Variants in FJX1 observed in about 807,000 individuals in gnomAD.
FJX1 encodes the protein four-jointed box kinase 1, also known as four-jointed box protein 1.
Under a neutral mutation model 28.7 loss-of-function variants are expected in FJX1, and 21 were observed. The ratio of observed to expected loss-of-function variants is 0.73; its 90% CI spans 0.52 to 1.05. FJX1 has a LOEUF of 1.05. Among genes scored for constraint, FJX1 ranks in the 50% least tolerant of loss-of-function variants. The pLI is 0.00. For missense variants in FJX1, 683 were observed against 647.2 expected (o/e 1.06, Z -0.60); for synonymous variants, 363 against 310.0 (o/e 1.17, Z -1.80).
chr11:35,618,872 C>G lies in FJX1; in HGVS notation c.236C>G (p.Thr79Ser). The G allele has an allele frequency of 7.3e-7, 1 of 1,368,652 alleles. No individual in the cohort carries two copies. The highest frequency in any genetic ancestry group is 9.4e-7 in the Non-Finnish European group (1 of 1,064,964). 84.8% of individuals were successfully genotyped at this position (1,368,652 alleles called of 1,614,324 possible). The change falls in exon 1 of 1, where the codon ACT becomes AGT. Residue 79 changes from threonine (T) to serine (S), a missense_variant. By Grantham distance (58) the Thr-to-Ser change is moderately conservative (BLOSUM62 1). Transcript: ENST00000317811. This position sits in a 1 kb window ranked among gnomAD's most constrained non-coding sequence, Gnocchi z 4.2. Reference protein sequence around the residue: ...AWDARGGSLKTFRALLTLAAG... With the variant: ...AWDARGGSLKSFRALLTLAAG... ...GACGCCCGCGGCGGCTCCCTGAAAACTTTCCGGGCGCTGCTCACCCTGGCG... is the reference window on the plus strand; with the variant it reads ...GACGCCCGCGGCGGCTCCCTGAAAAGTTTCCGGGCGCTGCTCACCCTGGCG...
chr11:35,619,685 C>T lies in FJX1; in HGVS notation c.1049C>T (p.Ala350Val). The change falls in exon 1 of 1, where the codon GCA becomes GTA. Residue 350 changes from alanine (A) to valine (V), a missense_variant. Coordinates refer to ENST00000317811, the MANE Select transcript of FJX1 (RefSeq NM_014344.4). The surrounding 1 kb of genome is among the most constrained non-coding windows in gnomAD (Gnocchi z 7.6). ...EAGLVHGYRV[A>V]GMWDKYNEPL... is the part of the protein sequence containing the mutation. Reference sequence around the variant, plus strand: ...GGCTTGGTGCACGGCTACCGGGTAGCAGGCATGTGGGACAAGTATAACGAG... The same window carrying T: ...GGCTTGGTGCACGGCTACCGGGTAGTAGGCATGTGGGACAAGTATAACGAG... 1.2e-6 allele frequency: 2 copies of T among 1,606,982 alleles called. No homozygotes were observed. Among genetic ancestry groups the T allele is most frequent in the Non-Finnish European group, 8.5e-7 (1 of 1,178,086 alleles).
rs1238949994 is a variant in FJX1, at chr11:35,618,782, G to T, written c.146G>T (p.Arg49Leu). The change falls in exon 1 of 1, where the codon CGC becomes CTC. Residue 49 changes from arginine to leucine, a missense_variant. By Grantham distance (102) the Arg-to-Leu change is moderately radical. Transcript: ENST00000317811. This position sits in a 1 kb window ranked among gnomAD's most constrained non-coding sequence, Gnocchi z 4.2. ...SRPPEDRLPR[R>L]PARSGGPAPA... Reference sequence around the variant, plus strand: ...CCGCCCGAAGACCGACTCCCACGGCGCCCGGCCCGGAGCGGCGGCCCCGCG... The same window carrying T: ...CCGCCCGAAGACCGACTCCCACGGCTCCCGGCCCGGAGCGGCGGCCCCGCG... 2 of 1,251,472 alleles carry T rather than the reference G, an allele frequency of 1.6e-6. No homozygotes were observed. The highest frequency in any genetic ancestry group is 2.0e-6 in the Non-Finnish European group (2 of 995,996). The allele number at this position is 1,251,472 out of a possible 1,614,324, so 77.5% of individuals were successfully genotyped here. A position where few individuals can be genotyped will look rare whatever the true frequency, so the allele number is the denominator to read the frequency against.
Position 35,619,321 on chromosome 11 carries a change from C to G in FJX1, c.685C>G (p.Leu229Val). 1 of 1,561,108 alleles carries G rather than the reference C, an allele frequency of 6.4e-7. No individual in the cohort carries two copies. Among genetic ancestry groups the G allele is most frequent in the Non-Finnish European group, 8.6e-7 (1 of 1,161,790 alleles). Residue 229 changes from leucine to valine, a missense_variant, in exon 1 of 1, where the codon CTG becomes GTG. Coordinates refer to ENST00000317811, the MANE Select transcript of FJX1 (RefSeq NM_014344.4). This position sits in a 1 kb window ranked among gnomAD's most constrained non-coding sequence, Gnocchi z 7.6. ...GAQWAQVQEE[L>V]RAAHWTEGSV... The stretch of plus-strand genomic sequence containing the variant: ...GCAGTGGGCGCAGGTGCAGGAGGAG[C>G]TGCGCGCTGCGCACTGGACCGAGGG...
In FJX1 at chr11:35,618,831, C is replaced by A; in HGVS notation, c.195C>A (p.Pro65=). The A allele has an allele frequency of 7.6e-7, 1 of 1,323,252 alleles. No individual in the cohort carries two copies. Among genetic ancestry groups the A allele is most frequent in the South Asian group, 2.0e-5 (1 of 49,038 alleles). 82.0% of individuals were successfully genotyped at this position (1,323,252 alleles called of 1,614,324 possible). A position where few individuals can be genotyped will look rare whatever the true frequency, so the allele number is the denominator to read the frequency against. Residue 65 remains proline (P), a synonymous_variant, in exon 1 of 1, where the codon CCC becomes CCA. Transcript: ENST00000317811. The surrounding 1 kb of genome is among the most constrained non-coding windows in gnomAD (Gnocchi z 4.2). ...CGCCCGCGCCTCGCTTCCCTCTGCC[C>A]CCGCCCCTGGCGTGGGACGCCCGCG... The part of the protein sequence containing the change: ...GPAPAPRFPL[P]PPLAWDARGG...
chr11:35,618,850 G>T lies in FJX1; in HGVS notation c.214G>T (p.Ala72Ser). 27 of 1,346,360 alleles carry T rather than the reference G, an allele frequency of 2.0e-5. No homozygotes were observed. Among genetic ancestry groups the T allele is most frequent in the Non-Finnish European group, 2.6e-5 (27 of 1,053,728 alleles). 83.4% of individuals were successfully genotyped at this position (1,346,360 alleles called of 1,614,324 possible). A position where few individuals can be genotyped will look rare whatever the true frequency, so the allele number is the denominator to read the frequency against. Residue 72 changes from alanine to serine, a missense_variant, in exon 1 of 1, where the codon GCC becomes TCC. Coordinates refer to ENST00000317811, the MANE Select transcript of FJX1 (RefSeq NM_014344.4). This position sits in a 1 kb window ranked among gnomAD's most constrained non-coding sequence, Gnocchi z 4.2. Reference sequence around the variant, plus strand: ...TCTGCCCCCGCCCCTGGCGTGGGACGCCCGCGGCGGCTCCCTGAAAACTTT... The same window carrying T: ...TCTGCCCCCGCCCCTGGCGTGGGACTCCCGCGGCGGCTCCCTGAAAACTTT... ...FPLPPPLAWDARGGSLKTFRA... is the reference protein window; with the variant it reads ...FPLPPPLAWDSRGGSLKTFRA...
chr11:35,619,720 C>G lies in FJX1; in HGVS notation c.1084C>G (p.Gln362Glu), dbSNP rs1276721699. 6.9e-6 allele frequency: 11 copies of G among 1,588,160 alleles called. No homozygotes were observed. The Admixed American group carries it at 1.4e-4, about 21-fold the overall frequency. ...MWDKYNEPLLQSVCVFRERTA... is the reference protein window; with the variant it reads ...MWDKYNEPLLESVCVFRERTA... ...GGACAAGTATAACGAGCCGCTGTTG[C>G]AGTCAGTGTGCGTGTTCCGCGAGCG... Residue 362 changes from glutamine (Q) to glutamate (E), a missense_variant, in exon 1 of 1, where the codon CAG (glutamine) becomes GAG (glutamate). Physicochemically the swap from Gln to Glu is conservative, Grantham distance 29 (BLOSUM62 2). Transcript: ENST00000317811. This position sits in a 1 kb window ranked among gnomAD's most constrained non-coding sequence, Gnocchi z 7.6.
At position 35,619,533 on chromosome 11, in the gene FJX1, G is replaced by A. The variant is rs774137238; in HGVS notation, c.897G>A (p.Thr299=). 1.1e-5 allele frequency: 17 copies of A among 1,600,644 alleles called. No homozygotes were observed. The South Asian group carries it at 1.5e-4, about 14-fold the overall frequency. The change falls in exon 1 of 1, where the codon ACG becomes ACA. Residue 299 remains threonine (T), a synonymous_variant. Coordinates refer to ENST00000317811, the MANE Select transcript of FJX1 (RefSeq NM_014344.4). The surrounding 1 kb of genome is among the most constrained non-coding windows in gnomAD (Gnocchi z 7.6). The part of the protein sequence containing the change: ...WTDLILFDYL[T]ANFDRLVSNL... Reference sequence around the variant, plus strand: ...ACTTAATCCTTTTCGACTACCTGACGGCCAACTTCGACCGGCTCGTAAGCA... The same window carrying A: ...ACTTAATCCTTTTCGACTACCTGACAGCCAACTTCGACCGGCTCGTAAGCA...
In FJX1 at chr11:35,620,699, GA is replaced by G. The variant is rs3834431; in HGVS notation, c.*760del. 0.031 allele frequency: 5,114 copies of G among 162,656 alleles called. 174 individuals carry two copies. The highest frequency in any genetic ancestry group is 0.17 in the East Asian group (847 of 5,052). The allele number at this position is 162,656 out of a possible 1,614,324, so 10.1% of individuals were successfully genotyped here. A position where few individuals can be genotyped will look rare whatever the true frequency, so the allele number is the denominator to read the frequency against. On this transcript the variant is annotated 3_prime_UTR_variant, in exon 1 of 1. Transcript: ENST00000317811. ...TGACAACGATGATGTTCACCAGAAGGAAAAAAAAAAATCAGTTTTATGCACT... is the reference window on the plus strand; with the variant it reads ...TGACAACGATGATGTTCACCAGAAGGAAAAAAAAAATCAGTTTTATGCACT...
At position 35,619,572 on chromosome 11, in the gene FJX1, G is replaced by A. The variant is rs1304026192; in HGVS notation, c.936G>A (p.Leu312=). 2 of 1,604,634 alleles carry A rather than the reference G, an allele frequency of 1.2e-6. No individual in the cohort carries two copies. Among genetic ancestry groups the A allele is most frequent in the Admixed American group, 1.7e-5 (1 of 60,030 alleles). The part of the protein sequence containing the change: ...FDRLVSNLFS[L]QWDPRVMQRA... Reference sequence around the variant, plus strand: ...GGCTCGTAAGCAACCTCTTCAGCCTGCAGTGGGACCCGCGCGTCATGCAGC... The same window carrying A: ...GGCTCGTAAGCAACCTCTTCAGCCTACAGTGGGACCCGCGCGTCATGCAGC... Residue 312 remains leucine, a synonymous_variant, in exon 1 of 1, where the codon CTG becomes CTA. Transcript: ENST00000317811. This position sits in a 1 kb window ranked among gnomAD's most constrained non-coding sequence, Gnocchi z 7.6.
In FJX1 at chr11:35,619,038, G is replaced by A. The variant is rs1850860899; in HGVS notation, c.402G>A (p.Pro134=). The A allele has an allele frequency of 6.8e-7, 1 of 1,466,860 alleles. No individual in the cohort carries two copies. The allele number at this position is 1,466,860 out of a possible 1,614,324, so 90.9% of individuals were successfully genotyped here. The part of the protein sequence containing the change: ...WSRGLEEQVP[P]GFSEAQAAAW... ...GCGGCCTGGAGGAGCAGGTGCCCCC[G>A]GGCTTTTCGGAGGCCCAGGCGGCGG... Residue 134 remains proline, a synonymous_variant, in exon 1 of 1, where the codon CCG becomes CCA. Transcript: ENST00000317811. The surrounding 1 kb of genome is among the most constrained non-coding windows in gnomAD (Gnocchi z 7.6).
rs753582277 is a variant in FJX1, at chr11:35,618,899, C to A, written c.263C>A (p.Ala88Asp). ...TTCCGGGCGCTGCTCACCCTGGCGG[C>A]CGGCGCGGACGGCCCGCCCCGGCAG... ...KTFRALLTLA[A>D]GADGPPRQSR... is the part of the protein sequence containing the mutation. The change falls in exon 1 of 1, where the codon GCC becomes GAC. Residue 88 changes from alanine (A) to aspartate (D), a missense_variant. Coordinates refer to ENST00000317811, the MANE Select transcript of FJX1 (RefSeq NM_014344.4). The surrounding 1 kb of genome is among the most constrained non-coding windows in gnomAD (Gnocchi z 4.2). 3 of 1,394,110 alleles carry A rather than the reference C, an allele frequency of 2.2e-6. 1 individual carries two copies. The South Asian group carries it at 4.7e-5, about 22-fold the overall frequency. 86.4% of individuals were successfully genotyped at this position (1,394,110 alleles called of 1,614,324 possible). A position where few individuals can be genotyped will look rare whatever the true frequency, so the allele number is the denominator to read the frequency against.
chr11:35,618,653 G>T lies in FJX1; in HGVS notation c.17G>T (p.Arg6Leu). The T allele has an allele frequency of 8.2e-7, 1 of 1,213,916 alleles. No homozygotes were observed. The highest frequency in any genetic ancestry group is 1.6e-5 in the African/African-American group (1 of 62,070). 75.2% of individuals were successfully genotyped at this position (1,213,916 alleles called of 1,614,324 possible). The part of the protein sequence containing the change: MGRRM[R>L]GAAATAGLWL... ...CGCGGGAGCATGGGCAGGAGGATGC[G>T]GGGCGCCGCCGCCACCGCGGGGCTC... Residue 6 changes from arginine to leucine, a missense_variant, in exon 1 of 1, where the codon CGG (arginine) becomes CTG (leucine). By Grantham distance (102) the Arg-to-Leu change is moderately radical. Coordinates refer to ENST00000317811, the MANE Select transcript of FJX1 (RefSeq NM_014344.4). The surrounding 1 kb of genome is among the most constrained non-coding windows in gnomAD (Gnocchi z 4.2).
chr11:35,618,717 AG>A lies in FJX1; in HGVS notation c.84del (p.Leu29SerfsTer49). 8.0e-7 allele frequency: 1 copy of A among 1,250,812 alleles called. No individual in the cohort carries two copies. The highest frequency in any genetic ancestry group is 1.0e-6 in the Non-Finnish European group (1 of 984,456). The allele number at this position is 1,250,812 out of a possible 1,614,324, so 77.5% of individuals were successfully genotyped here. On this transcript the variant is annotated frameshift_variant, in exon 1 of 1. Transcript: ENST00000317811. LOFTEE classifies it high-confidence loss of function. The surrounding 1 kb of genome is among the most constrained non-coding windows in gnomAD (Gnocchi z 4.2). ...TGGGCTCGCTGCTGGCGCTGTGGGG[AG>A]GGCTCCTGCCGCCGCGGACCGAGCT... ...ALGSLLALWG[G>X]LLPPRTELPA... is the part of the protein sequence containing the mutation.
chr11:35,618,499 AGCGCCCCGCG>A lies in FJX1; in HGVS notation c.-135_-126del. On this transcript the variant is annotated 5_prime_UTR_variant, in exon 1 of 1. Transcript: ENST00000317811. This position sits in a 1 kb window ranked among gnomAD's most constrained non-coding sequence, Gnocchi z 4.2. ...GGCGGAGCGCCGGACAGAGCCCCGC[AGCGCCCCGCG>A]GCCGCGATGGGGCCGAAGCGCCCGA... 2.5e-6 allele frequency: 2 copies of A among 807,784 alleles called. No homozygotes were observed. Among genetic ancestry groups the A allele is most frequent in the Non-Finnish European group, 3.1e-6 (2 of 652,332 alleles). 50.0% of individuals were successfully genotyped at this position (807,784 alleles called of 1,614,324 possible).
rs1850864115 is a variant in FJX1 at position 35,619,153 on chromosome 11, G to A, written c.517G>A (p.Asp173Asn). Residue 173 changes from aspartate to asparagine, a missense_variant, in exon 1 of 1, where the codon GAC (aspartate) becomes AAC (asparagine). Physicochemically the swap from Asp to Asn is conservative, Grantham distance 23. Coordinates refer to ENST00000317811, the MANE Select transcript of FJX1 (RefSeq NM_014344.4). The surrounding 1 kb of genome is among the most constrained non-coding windows in gnomAD (Gnocchi z 7.6). Reference sequence around the variant, plus strand: ...CTCCAACCGACTGGCCCGTTTTGCCGACGGCACCCGCGCCTGCGTGCGCTA... The same window carrying A: ...CTCCAACCGACTGGCCCGTTTTGCCAACGGCACCCGCGCCTGCGTGCGCTA... The part of the protein sequence containing the change: ...RSSNRLARFA[D>N]GTRACVRYGI... The A allele has an allele frequency of 2.5e-6, 4 of 1,573,550 alleles. No individual in the cohort carries two copies. The highest frequency in any genetic ancestry group is 3.4e-6 in the Non-Finnish European group (4 of 1,170,818).
chr11:35,619,495 G>A lies in FJX1; in HGVS notation c.859G>A (p.Val287Ile). The change falls in exon 1 of 1, where the codon GTA (valine) becomes ATA (isoleucine). Residue 287 changes from valine (V) to isoleucine (I), a missense_variant. By Grantham distance (29) the Val-to-Ile change is conservative. Transcript: ENST00000317811. The surrounding 1 kb of genome is among the most constrained non-coding windows in gnomAD (Gnocchi z 7.6). ...NLSQAELVDL[V>I]QWTDLILFDY... ...CAGCCAGGCGGAGCTGGTGGACCTAGTACAATGGACCGACTTAATCCTTTT... is the reference window on the plus strand; with the variant it reads ...CAGCCAGGCGGAGCTGGTGGACCTAATACAATGGACCGACTTAATCCTTTT... The A allele has an allele frequency of 6.3e-7, 1 of 1,599,512 alleles. No homozygotes were observed. Among genetic ancestry groups the A allele is most frequent in the Non-Finnish European group, 8.5e-7 (1 of 1,179,748 alleles).
In FJX1 at chr11:35,619,301, G is replaced by A. The variant is rs1850866559; in HGVS notation, c.665G>A (p.Trp222Ter). The A allele has an allele frequency of 6.4e-7, 1 of 1,555,800 alleles. No individual in the cohort carries two copies. The highest frequency in any genetic ancestry group is 2.4e-5 in the East Asian group (1 of 41,702). ...LARVEARGAQ[W>*]AQVQEELRAA... ...CGGGTGGAGGCTCGGGGCGCGCAGT[G>A]GGCGCAGGTGCAGGAGGAGCTGCGC... Residue 222 changes from tryptophan (W) to a stop codon, truncating the protein, a stop_gained, in exon 1 of 1, where the codon TGG becomes TAG. Coordinates refer to ENST00000317811, the MANE Select transcript of FJX1 (RefSeq NM_014344.4). LOFTEE classifies it high-confidence loss of function. This position sits in a 1 kb window ranked among gnomAD's most constrained non-coding sequence, Gnocchi z 7.6.
In FJX1 at chr11:35,619,887, C is replaced by A; in HGVS notation, c.1251C>A (p.Leu417=). ...DPHAQLLQRR[L]DFLAKHILHC... Reference sequence around the variant, plus strand: ...ACGCTCAGCTGCTACAGCGCCGCCTCGACTTCCTCGCCAAGCACATTTTGC... The same window carrying A: ...ACGCTCAGCTGCTACAGCGCCGCCTAGACTTCCTCGCCAAGCACATTTTGC... Residue 417 remains leucine (L), a synonymous_variant, in exon 1 of 1, where the codon CTC becomes CTA. Coordinates refer to ENST00000317811, the MANE Select transcript of FJX1 (RefSeq NM_014344.4). This position sits in a 1 kb window ranked among gnomAD's most constrained non-coding sequence, Gnocchi z 7.6. 6.4e-7 allele frequency: 1 copy of A among 1,574,800 alleles called. No individual in the cohort carries two copies. The highest frequency in any genetic ancestry group is 8.6e-7 in the Non-Finnish European group (1 of 1,161,202).
rs1443642866 is a variant in FJX1 at position 35,619,353 on chromosome 11, G to T, written c.717G>T (p.Val239=). Residue 239 remains valine (V), a synonymous_variant, in exon 1 of 1, where the codon GTG becomes GTT. Transcript: ENST00000317811. The surrounding 1 kb of genome is among the most constrained non-coding windows in gnomAD (Gnocchi z 7.6). Reference sequence around the variant, plus strand: ...CTGCGCACTGGACCGAGGGCAGCGTGGTGAGCCTGACACGCTGGCTGCCCA... The same window carrying T: ...CTGCGCACTGGACCGAGGGCAGCGTTGTGAGCCTGACACGCTGGCTGCCCA... ...LRAAHWTEGS[V]VSLTRWLPNL... 6.3e-7 allele frequency: 1 copy of T among 1,581,918 alleles called. No homozygotes were observed. Among genetic ancestry groups the T allele is most frequent in the African/African-American group, 1.3e-5 (1 of 74,606 alleles).
Sources: allele counts gnomAD v4.1 joint callset, GRCh38; gene constraint gnomAD v4.1.1; non-coding constraint Gnocchi (gnomAD v3.1); transcripts MANE v1.5; gene names NCBI Gene and HGNC (gene_info 2026-07-23, HGNC 2026-07-21).